Variants in NDEL1 observed in about 807,000 individuals in gnomAD.
The protein encoded by NDEL1 is nudE neurodevelopment protein 1 like 1, also known as nuclear distribution protein nudE-like 1.
NDEL1 carries 9 observed loss-of-function variants against 45.7 expected under a neutral mutation model. That is an observed-to-expected ratio of 0.20 (90% CI 0.12 to 0.34). The LOEUF (loss-of-function observed/expected upper bound fraction) is 0.34. Ranked by LOEUF, NDEL1 falls within the 10% of genes least tolerant of loss-of-function variation. The pLI is 1.00. For synonymous variants in NDEL1, 133 were observed against 158.6 expected, an observed-to-expected ratio of 0.84 and a Z score of 1.21; for missense variants, 306 against 406.2, an observed-to-expected ratio of 0.75 and a Z score of 2.12.
chr17:8,422,927 G>T (rs750005773), intron 1 of NDEL1, among the ~76,000 whole-genome samples: 1 of 151,850 alleles, frequency 6.6e-6, no homozygotes, highest in Non-Finnish European at 1.5e-5. Flanking sequence ...GTAGAGACAG[G>T]GTTTCATCAT....
downstream of NDEL1, among the ~76,000 whole-genome samples, chr17:8,470,627 C>T (rs984675773): frequency 2.6e-5 from 4 of 152,194 alleles, no homozygotes; most frequent in South Asian, 4.1e-4. This position sits in a 1 kb window ranked among gnomAD's most constrained non-coding sequence, Gnocchi z 4.2. Flanking sequence ...ACAATGGGCC[C>T]GGGTTTGAGT....
At chr17:8,440,751 T>G (rs935526969) in intron 1 of NDEL1, among the ~76,000 whole-genome samples, 5 of 152,320 alleles carry the variant, frequency 3.3e-5, no homozygotes, top group Middle Eastern at 3.4e-3. Flanking sequence ...AAATGGATAC[T>G]CGCAATACAT....
intron 7 of NDEL1, 38 bp from the exon 8 acceptor site, chr17:8,459,971 G>A: frequency 1.9e-6 from 3 of 1,585,832 alleles, no homozygotes; most frequent in Non-Finnish European, 2.6e-6. Flanking sequence ...TGCAGCTACT[G>A]TTTTGACAAC....
chr17:8,433,573 C>A (rs1462214247), upstream of NDEL1, among the ~76,000 whole-genome samples: 1 of 152,174 alleles, frequency 6.6e-6, no homozygotes, highest in African/African-American at 2.4e-5. Flanking sequence ...AATATGTGTT[C>A]TGATAGGGAC....
intron 2 of NDEL1, among the ~76,000 whole-genome samples, chr17:8,445,331 C>T (rs1427757042): frequency 6.6e-6 from 1 of 152,064 alleles, no homozygotes; most frequent in African/African-American, 2.4e-5. Flanking sequence ...ATACATGCAA[C>T]GATTCTATTG....
chr17:8,428,362 ATTTTT>A (rs1176480046), intron 1 of NDEL1, among the ~76,000 whole-genome samples: 10 of 81,566 alleles, frequency 1.2e-4, no homozygotes, highest in African/African-American at 4.4e-4. Context: ...GTGTGTGTGT[ATTTTT>A]TTTTTTTTTT....
At chr17:8,425,381 A>G (rs1249223384) in intron 1 of NDEL1, among the ~76,000 whole-genome samples, 1 of 152,248 alleles carries the variant, frequency 6.6e-6, no homozygotes, top group Admixed American at 6.5e-5. Context: ...TAGGAGTTTG[A>G]GACCAGCCTG....
Position 8,444,352 on chromosome 17 carries a change from G to A in NDEL1, c.81G>A (p.Lys27=), listed in dbSNP as rs767186453. 3 of 1,609,924 alleles carry A rather than the reference G, an allele frequency of 1.9e-6. No homozygotes were observed. The highest frequency in any genetic ancestry group is 2.5e-6 in the Non-Finnish European group (3 of 1,176,818). ...GGAAGGAACTTTCCTTGAAGTATAA[G>A]CAAAGGTAATGTTGGAAAGCACACT... is the stretch of plus-strand genomic sequence containing the variant. ...AYWKELSLKY[K]QSFQEARDEL... The change falls in exon 2 of 9, where the codon AAG becomes AAA. Residue 27 remains lysine (K), a synonymous_variant. Coordinates refer to ENST00000334527, the MANE Select transcript of NDEL1 (RefSeq NM_030808.5).
At chr17:8,417,003 T>C (rs550837770) in intron 1 of NDEL1, among the ~76,000 whole-genome samples, 1 of 152,354 alleles carries the variant, frequency 6.6e-6, no homozygotes, top group Non-Finnish European at 1.5e-5. Flanking sequence ...TGTTTCATGA[T>C]GTAATGCTTT....
chr17:8,451,254 A>G lies in NDEL1; in HGVS notation c.700+301A>G, dbSNP rs147986396. Among the ~76,000 whole-genome samples the G allele has an allele frequency of 2.2e-3, 341 of 152,340 alleles. 1 individual carries two copies. Among genetic ancestry groups the G allele is most frequent in the African/African-American group, 7.8e-3 (326 of 41,576 alleles). ...GCCGTATGTTTAGGTAGAAAATTTT[A>G]AAAACACAGAAAAAGAAAATAAAAA... On this transcript the variant is annotated intron_variant, in intron 6 of 8. Coordinates refer to ENST00000334527, the MANE Select transcript of NDEL1 (RefSeq NM_030808.5).
chr17:8,425,508 G>A (rs545388860), intron 1 of NDEL1, among the ~76,000 whole-genome samples: 74 of 152,082 alleles, frequency 4.9e-4, no homozygotes, highest in Non-Finnish European at 9.3e-4. Flanking sequence ...CCTGAGCCCA[G>A]GAGGTCAAGG....
In NDEL1 at chr17:8,460,220, T is replaced by C. The variant is rs1911112414; in HGVS notation, c.944+60T>C. On this transcript the variant is annotated intron_variant, in intron 8 of 8. Transcript: ENST00000334527. ...AGTAGTAAAGTGACAGGTTAGTAAG[T>C]GAGCATAATGAAGCCTTGAAAAGGT... The C allele has an allele frequency of 5.9e-6, 9 of 1,532,722 alleles. No homozygotes were observed. The South Asian group carries it at 8.6e-5, about 15-fold the overall frequency. 94.9% of individuals were successfully genotyped at this position (1,532,722 alleles called of 1,614,324 possible).
intron 6 of NDEL1, among the ~76,000 whole-genome samples, chr17:8,453,974 G>A (rs1307970737): frequency 6.6e-6 from 1 of 152,108 alleles, no homozygotes; most frequent in Non-Finnish European, 1.5e-5. Context: ...GATGAGATGA[G>A]TTTTCCCTAA....
downstream of NDEL1, among the ~76,000 whole-genome samples, chr17:8,468,742 A>T (rs147390729): frequency 4.0e-4 from 61 of 152,372 alleles, no homozygotes; most frequent in African/African-American, 1.4e-3. Flanking sequence ...AAACGATGTG[A>T]ATCAAAACCC....
At chr17:8,471,671 G>A (rs201177981), downstream of NDEL1, among the ~76,000 whole-genome samples, 1 of 152,238 alleles carries the variant, frequency 6.6e-6, no homozygotes, top group Admixed American at 6.5e-5. Flanking sequence ...AGGCTCTGTA[G>A]CTATAGTGAA....
chr17:8,426,185 A>C (rs1908826333), intron 1 of NDEL1, among the ~76,000 whole-genome samples: 1 of 152,060 alleles, frequency 6.6e-6, no homozygotes, highest in South Asian at 2.1e-4. Context: ...TTCTTTTGTT[A>C]ATTGTGCTAT....
At chr17:8,448,754 C>A in intron 5 of NDEL1, 68 bp downstream of exon 5, 1 of 1,409,302 alleles carries the variant, frequency 7.1e-7, no homozygotes, top group Non-Finnish European at 9.6e-7. Flanking sequence ...TGTGGGCCCA[C>A]TTATACTCTG....
intron 7 of NDEL1, among the ~76,000 whole-genome samples, chr17:8,458,169 C>G (rs1225550441): frequency 1.3e-5 from 2 of 151,616 alleles, no homozygotes; most frequent in South Asian, 4.2e-4. Context: ...CAACACTGAC[C>G]GTTTTTTTTT....
chr17:8,433,112 AG>A (rs1278573030), upstream of NDEL1, among the ~76,000 whole-genome samples: 1 of 151,410 alleles, frequency 6.6e-6, no homozygotes. Context: ...AAAAAAAAAA[AG>A]CTTCAGGATC....
Sources: allele counts gnomAD v4.1 joint callset (sites outside exome capture counted in the v4.1 genomes callset), GRCh38; gene constraint gnomAD v4.1.1; non-coding constraint Gnocchi (gnomAD v3.1); transcripts MANE v1.5; gene names NCBI Gene and HGNC (gene_info 2026-07-23, HGNC 2026-07-21).